PTPN11: variants seen among roughly 807,000 people sequenced by gnomAD.
PTPN11 encodes the protein tyrosine-protein phosphatase non-receptor type 11.
PTPN11 carries 6 observed loss-of-function variants against 78.8 expected under a neutral mutation model. The ratio of observed to expected loss-of-function variants is 0.08; its 90% confidence interval spans 0.04 to 0.15. The LOEUF is 0.15. Ranked by LOEUF, PTPN11 falls within the 10% of genes least tolerant of loss-of-function variation. PTPN11 has a pLI of 1.00. For missense variants in PTPN11, 386 were observed against 744.8 expected (o/e 0.52, Z 5.61); for synonymous variants, 221 against 263.5 (o/e 0.84, Z 1.56).
At chr12:112,480,895 G>A (rs1287293668) in intron 9 of PTPN11, among the ~76,000 whole-genome samples, 1 of 152,162 alleles carries the variant, frequency 6.6e-6, no homozygotes, top group Admixed American at 6.5e-5. Flanking sequence ...GAACACAAAA[G>A]CATTCTCTGC....
chr12:112,419,070 G>C lies in PTPN11; in HGVS notation c.-42G>C. 3 of 1,534,966 alleles carry C rather than the reference G, an allele frequency of 2.0e-6. No individual in the cohort carries two copies. The South Asian group carries it at 3.6e-5, about 18-fold the overall frequency. ...TGTGACCGAGCCCAGCGGAGCCTGA[G>C]CAAGGAGCGGGTCCGTCGCGGAGCC... On this transcript the variant is annotated 5_prime_UTR_variant, in exon 1 of 16. Transcript: ENST00000351677.
At chr12:112,472,328 A>G (rs1371475916) in intron 6 of PTPN11, among the ~76,000 whole-genome samples, 5 of 152,148 alleles carry the variant, frequency 3.3e-5, no homozygotes, top group African/African-American at 1.2e-4. Context: ...GTGTATGATT[A>G]CATCATATGC....
At position 112,506,894 on chromosome 12, in the gene PTPN11, T is replaced by C. The variant is rs1330776471; in HGVS notation, c.*1102T>C. 3 of 194,896 alleles carry C rather than the reference T, an allele frequency of 1.5e-5. No individual in the cohort carries two copies. Among genetic ancestry groups the C allele is most frequent in the African/African-American group, 7.0e-5 (3 of 42,570 alleles). The allele number at this position is 194,896 out of a possible 1,614,324, so 12.1% of individuals were successfully genotyped here. A position where few individuals can be genotyped will look rare whatever the true frequency, so the allele number is the denominator to read the frequency against. On this transcript the variant is annotated 3_prime_UTR_variant, in exon 16 of 16. Coordinates refer to ENST00000351677, the MANE Select transcript of PTPN11 (RefSeq NM_002834.5). ...GCTCAAAAGCAGAAATGGCCAGGCCTTCTGAAAACTTAAGTCCAGAATTGT... is the reference window on the plus strand; with the variant it reads ...GCTCAAAAGCAGAAATGGCCAGGCCCTCTGAAAACTTAAGTCCAGAATTGT...
chr12:112,454,715 A>G, intron 5 of PTPN11, 35 bp downstream of exon 5: 1 of 1,490,080 alleles, frequency 6.7e-7, no homozygotes, highest in Non-Finnish European at 9.4e-7. Context: ...TTTCTCCTTA[A>G]AAACTTAAAA....
chr12:112,447,799 CTTTT>C (rs77664062), intron 2 of PTPN11, among the ~76,000 whole-genome samples: 3 of 131,726 alleles, frequency 2.3e-5, no homozygotes, highest in Admixed American at 7.8e-5. Flanking sequence ...CATGCCTGGC[CTTTT>C]TTTTTTTTTT....
chr12:112,422,617 G>C (rs2037540100), intron 1 of PTPN11, among the ~76,000 whole-genome samples: 1 of 152,158 alleles, frequency 6.6e-6, no homozygotes, highest in South Asian at 2.1e-4. Flanking sequence ...GCTCTCCCTG[G>C]TGGCCACGTT....
chr12:112,459,296 T>C (rs1475222538), intron 6 of PTPN11, among the ~76,000 whole-genome samples: 1 of 152,150 alleles, frequency 6.6e-6, no homozygotes, highest in Non-Finnish European at 1.5e-5. Context: ...ATTTCTATTA[T>C]ATGCAAAAGT....
intron 6 of PTPN11, among the ~76,000 whole-genome samples, chr12:112,470,798 C>G (rs2038403090): frequency 6.6e-6 from 1 of 152,166 alleles, no homozygotes; most frequent in African/African-American, 2.4e-5. Context: ...CGTTTCACTT[C>G]ATTTAGTTGA....
At chr12:112,451,586 G>C (rs909731468) in intron 3 of PTPN11, among the ~76,000 whole-genome samples, 1 of 152,140 alleles carries the variant, frequency 6.6e-6, no homozygotes, top group African/African-American at 2.4e-5. Flanking sequence ...GCCTCATTCA[G>C]ACTTACATGT....
chr12:112,460,341 T>C (rs2038229251), intron 6 of PTPN11, among the ~76,000 whole-genome samples: 1 of 152,244 alleles, frequency 6.6e-6, no homozygotes, highest in Non-Finnish European at 1.5e-5. Context: ...GATCCTGATA[T>C]GCCATTATCA....
chr12:112,486,829 T>C (rs529633495), intron 11 of PTPN11, 200 bp downstream of exon 11: 1 of 1,443,820 alleles, frequency 6.9e-7, no homozygotes, highest in East Asian at 2.5e-5. Flanking sequence ...CCATTGGCCA[T>C]GGCCATGGCA....
At chr12:112,490,304 CTTTT>C (rs1258631865) in intron 13 of PTPN11, among the ~76,000 whole-genome samples, 4 of 128,718 alleles carry the variant, frequency 3.1e-5, no homozygotes, top group Admixed American at 8.2e-5. Context: ...TCAGGGATGT[CTTTT>C]TTTTTTTTTT....
At chr12:112,503,397 C>T (rs1002663656) in intron 14 of PTPN11, among the ~76,000 whole-genome samples, 5 of 152,072 alleles carry the variant, frequency 3.3e-5, no homozygotes, top group Admixed American at 6.6e-5. Context: ...TGTTTGCTTT[C>T]GACATGGATT....
chr12:112,491,558 A>G (rs1182488894), intron 13 of PTPN11, among the ~76,000 whole-genome samples: 3 of 152,194 alleles, frequency 2.0e-5, no homozygotes, highest in African/African-American at 7.2e-5. Flanking sequence ...TACATAACCA[A>G]TGTCACAATT....
chr12:112,476,332 A>G (rs1019251114), intron 7 of PTPN11, among the ~76,000 whole-genome samples: 3 of 152,186 alleles, frequency 2.0e-5, no homozygotes, highest in Non-Finnish European at 4.4e-5. Flanking sequence ...TTTAAGACAC[A>G]TGGCTGTCTT....
chr12:112,495,093 T>TATACA (rs879862745), intron 13 of PTPN11, among the ~76,000 whole-genome samples: 18 of 152,196 alleles, frequency 1.2e-4, no homozygotes, highest in Admixed American at 1.2e-3. Flanking sequence ...TATCTCTGTA[T>TATACA]AACAGAGTGA....
At chr12:112,425,977 G>A (rs2135827635) in intron 1 of PTPN11, among the ~76,000 whole-genome samples, 1 of 152,228 alleles carries the variant, frequency 6.6e-6, no homozygotes, top group East Asian at 1.9e-4. Context: ...ACACACATGG[G>A]CCACTGCCCC....
chr12:112,445,494 A>T (rs2037979076), intron 1 of PTPN11, among the ~76,000 whole-genome samples: 1 of 152,208 alleles, frequency 6.6e-6, no homozygotes, highest in Non-Finnish European at 1.5e-5. Context: ...ATTAAAAATT[A>T]CAGTTTGCAC....
At chr12:112,503,243 G>A (rs575674123) in intron 14 of PTPN11, among the ~76,000 whole-genome samples, 12 of 152,282 alleles carry the variant, frequency 7.9e-5, no homozygotes, top group Admixed American at 2.6e-4. Context: ...AATCCTTCCC[G>A]ACTCCTTGTT....
Sources: allele counts gnomAD v4.1 joint callset (sites outside exome capture counted in the v4.1 genomes callset), GRCh38; gene constraint gnomAD v4.1.1; transcripts MANE v1.5; gene names NCBI Gene and HGNC (gene_info 2026-07-23, HGNC 2026-07-21).